The following NEIL3 variants were observed in gnomAD, a reference collection of about 807,000 sequenced individuals.
NEIL3 encodes the protein nei like DNA glycosylase 3.
In NEIL3, 48 loss-of-function variants were observed where a neutral mutation model predicts 57.5. That is an observed-to-expected ratio of 0.83 (90% CI 0.66 to 1.06). The LOEUF (loss-of-function observed/expected upper bound fraction) is 1.06. Among genes scored for constraint, NEIL3 ranks in the 50% least tolerant of loss-of-function variants. The pLI, the probability that NEIL3 is intolerant of heterozygous loss-of-function variation, is 0.00. For synonymous variants in NEIL3, 261 were observed against 253.2 expected (o/e 1.03, Z -0.29); for missense variants, 717 against 739.1 (o/e 0.97, Z 0.35).
intron 6 of NEIL3, chr4:177,343,808 T>TA (rs1735153397): frequency 6.7e-6 from 1 of 149,920 alleles, no homozygotes; most frequent in Non-Finnish European, 1.5e-5. Context: ...AATTTTTTTT[T>TA]ATGAACAAGA....
intron 7 of NEIL3, among the ~76,000 whole-genome samples, chr4:177,351,762 T>C (rs3805169): frequency 0.13 from 19,228 of 152,230 alleles, 1,530 homozygotes; most frequent in Admixed American, 0.24. Flanking sequence ...GTTTGTGCTA[T>C]AACAGTATGT....
chr4:177,323,168 T>C (rs1366074572), intron 2 of NEIL3, among the ~76,000 whole-genome samples: 1 of 152,188 alleles, frequency 6.6e-6, no homozygotes. Context: ...TCAAAATATA[T>C]GTAATTGTGA....
rs551744676 is a variant in NEIL3, at chr4:177,335,708, G to C, written c.299G>C (p.Gly100Ala). 6.5e-5 allele frequency: 105 copies of C among 1,608,508 alleles called. No individual in the cohort carries two copies. Among genetic ancestry groups the C allele is most frequent in the East Asian group, 5.4e-4 (24 of 44,684 alleles). ...KALRIHFGMK[G>A]FIMINPLEYK... ...TTCAGGATTCATTTCGGAATGAAAG[G>C]CTTCATCATGATTAATCCACTTGAG... The change falls in exon 3 of 10, where the codon GGC (glycine) becomes GCC (alanine). Residue 100 changes from glycine to alanine, a missense_variant. By Grantham distance (60) the Gly-to-Ala change is moderately conservative (BLOSUM62 0). Coordinates refer to ENST00000264596, the MANE Select transcript of NEIL3 (RefSeq NM_018248.3).
chr4:177,339,364 G>A (rs1028398311), intron 4 of NEIL3, among the ~76,000 whole-genome samples: 14 of 152,308 alleles, frequency 9.2e-5, no homozygotes, highest in South Asian at 2.1e-4. Flanking sequence ...AGGCTGAGGC[G>A]GAAGGATGGC....
chr4:177,350,875 T>C (rs1735334227), intron 6 of NEIL3, among the ~76,000 whole-genome samples: 1 of 151,880 alleles, frequency 6.6e-6, no homozygotes, highest in African/African-American at 2.4e-5. Flanking sequence ...TGTTTCTCAC[T>C]TTAACAACAA....
chr4:177,326,769 T>A (rs975103834), intron 2 of NEIL3, among the ~76,000 whole-genome samples: 2 of 152,196 alleles, frequency 1.3e-5, no homozygotes, highest in Admixed American at 1.3e-4. Flanking sequence ...ATATTTTATA[T>A]TTGTAACTAA....
the NEIL3 span, among the ~76,000 whole-genome samples, chr4:177,368,231 T>G: frequency 2.0e-5 from 3 of 152,378 alleles, no homozygotes; most frequent in Admixed American, 6.5e-5. Flanking sequence ...ACATTTATGT[T>G]AAATTTACAA....
At chr4:177,332,170 T>C (rs113022237) in intron 2 of NEIL3, among the ~76,000 whole-genome samples, 3 of 152,322 alleles carry the variant, frequency 2.0e-5, no homozygotes, top group African/African-American at 4.8e-5. Flanking sequence ...CTTGCCCTCC[T>C]ATGGCAGCCA....
At chr4:177,314,533 G>C (rs987691093) in intron 1 of NEIL3, among the ~76,000 whole-genome samples, 1 of 152,108 alleles carries the variant, frequency 6.6e-6, no homozygotes, top group Non-Finnish European at 1.5e-5. Flanking sequence ...TTCTGGATCA[G>C]AGCTTTCTCA....
At chr4:177,347,935 C>A (rs975830856) in intron 6 of NEIL3, among the ~76,000 whole-genome samples, 5 of 152,158 alleles carry the variant, frequency 3.3e-5, no homozygotes, top group African/African-American at 1.2e-4. Flanking sequence ...TTTTTGGCTG[C>A]AAACTCCTTG....
intron 2 of NEIL3, among the ~76,000 whole-genome samples, chr4:177,325,474 A>G (rs754871097): frequency 6.6e-6 from 1 of 152,080 alleles, no homozygotes; most frequent in East Asian, 1.9e-4. Flanking sequence ...GATTGTTTCA[A>G]GTTTTTAATA....
At position 177,335,082 on chromosome 4, in the gene NEIL3, C is replaced by T. The variant is rs34367250; in HGVS notation, c.279-606C>T. Among the ~76,000 whole-genome samples, 903 of 151,996 alleles carry T rather than the reference C, an allele frequency of 5.9e-3. 40 individuals are homozygous for T. Among genetic ancestry groups the T allele is most frequent in the Admixed American group, 0.049 (743 of 15,274 alleles). On this transcript the variant is annotated intron_variant, in intron 2 of 9. Coordinates refer to ENST00000264596, the MANE Select transcript of NEIL3 (RefSeq NM_018248.3). ...AGAATTGAGGACAATAGCATTTTGA[C>T]TTGTTCTCTCTTTTTTTTTGATACG...
intron 2 of NEIL3, among the ~76,000 whole-genome samples, chr4:177,333,028 T>G: frequency 6.6e-6 from 1 of 151,006 alleles, no homozygotes; most frequent in East Asian, 2.1e-4. Flanking sequence ...GAACTCCTAT[T>G]TTTTATTTTT....
intron 6 of NEIL3, among the ~76,000 whole-genome samples, chr4:177,346,907 C>T (rs1236912258): frequency 6.6e-6 from 1 of 151,068 alleles, no homozygotes; most frequent in Non-Finnish European, 1.5e-5. Context: ...GAGACTGAGG[C>T]AGGATAATTG....
chr4:177,341,136 T>C (rs1735082464), intron 5 of NEIL3, among the ~76,000 whole-genome samples: 1 of 152,080 alleles, frequency 6.6e-6, no homozygotes, highest in Non-Finnish European at 1.5e-5. Flanking sequence ...ACTATATAAT[T>C]ATGGTTAATT....
chr4:177,353,284 A>G, intron 7 of NEIL3, 24 bp from the exon 8 acceptor site: 1 of 1,578,004 alleles, frequency 6.3e-7, no homozygotes, highest in Non-Finnish European at 8.6e-7. Flanking sequence ...GGACTATTGC[A>G]GAATTACTTC....
Position 177,310,076 on chromosome 4 carries a change from G to T in NEIL3, c.123G>T (p.Arg41=), listed in dbSNP as rs1734447362. The change falls in exon 1 of 10, where the codon CGG becomes CGT. Residue 41 remains arginine (R), a synonymous_variant. Coordinates refer to ENST00000264596, the MANE Select transcript of NEIL3 (RefSeq NM_018248.3). ...ALRSLQGRAL[R]LAASTVVVSP... ...GGAGTCTGCAGGGCCGCGCCTTGCG[G>T]CTCGCAGCCTCCACGGTTGTGGTCT... 1 of 1,597,266 alleles carries T rather than the reference G, an allele frequency of 6.3e-7. No homozygotes were observed. Among genetic ancestry groups the T allele is most frequent in the Non-Finnish European group, 8.5e-7 (1 of 1,173,182 alleles).
intron 1 of NEIL3, among the ~76,000 whole-genome samples, chr4:177,314,309 T>A (rs1282188706): frequency 6.6e-6 from 1 of 152,156 alleles, no homozygotes; most frequent in African/African-American, 2.4e-5. Context: ...ATGGCCATTG[T>A]AGCTTTTTAT....
chr4:177,315,646 T>A (rs1332340155), intron 1 of NEIL3, among the ~76,000 whole-genome samples: 1 of 152,138 alleles, frequency 6.6e-6, no homozygotes, highest in African/African-American at 2.4e-5. Flanking sequence ...AAATCTTAGG[T>A]TTATTGCAAA....
Sources: allele counts gnomAD v4.1 joint callset (sites outside exome capture counted in the v4.1 genomes callset), GRCh38; gene constraint gnomAD v4.1.1; transcripts MANE v1.5; gene names NCBI Gene and HGNC (gene_info 2026-07-23, HGNC 2026-07-21).